CFAP58: variants seen among roughly 807,000 people sequenced by gnomAD.
The protein encoded by CFAP58 is cilia- and flagella-associated protein 58.
Under a neutral mutation model 119.5 loss-of-function variants are expected in CFAP58, and 88 were observed. The observed-to-expected ratio is 0.74, with a 90% CI of 0.62 to 0.88. The LOEUF is 0.88. Among genes scored for constraint, CFAP58 ranks in the 40% least tolerant of loss-of-function variants. The pLI, the probability that CFAP58 is intolerant of heterozygous loss-of-function variation, is 0.00. For missense variants in CFAP58, 990 were observed against 1,021.2 expected, an observed-to-expected ratio of 0.97 and a Z score of 0.42; for synonymous variants, 365 against 366.3, an observed-to-expected ratio of 1.00 and a Z score of 0.04.
intron 1 of CFAP58, among the ~76,000 whole-genome samples, chr10:104,355,833 T>G (rs2014536594): frequency 1.3e-5 from 2 of 152,252 alleles, no homozygotes; most frequent in African/African-American, 4.8e-5. Flanking sequence ...CTTTTGTTCC[T>G]AAAAGTTTCT....
intron 1 of CFAP58, among the ~76,000 whole-genome samples, chr10:104,357,738 T>A (rs1389505106): frequency 1.3e-5 from 2 of 151,928 alleles, no homozygotes; most frequent in African/African-American, 4.8e-5. Context: ...TATATATATA[T>A]GTAATGTGTA....
the CFAP58 span, among the ~76,000 whole-genome samples, chr10:104,342,987 A>T: frequency 3.3e-5 from 5 of 152,184 alleles, no homozygotes; most frequent in Admixed American, 2.0e-4. Context: ...TGTTCACCCC[A>T]TCTGTGGTTA....
chr10:104,454,538 C>T lies in CFAP58; in HGVS notation c.*8C>T. On this transcript the variant is annotated 3_prime_UTR_variant, in exon 18 of 18. Transcript: ENST00000369704. ...ACCAAAATGACGTTCTAACCTGAAG[C>T]TGCTGGCTGTTTCCAGTTGAACAAC... 6.3e-7 allele frequency: 1 copy of T among 1,598,114 alleles called. No individual in the cohort carries two copies. The highest frequency in any genetic ancestry group is 8.6e-7 in the Non-Finnish European group (1 of 1,165,718).
intron 13 of CFAP58, 71 bp downstream of exon 13, chr10:104,400,974 C>T: frequency 9.5e-7 from 1 of 1,056,304 alleles, no homozygotes; most frequent in Non-Finnish European, 1.4e-6. Context: ...ACTTCGTAGT[C>T]ATGCTTGTTG....
At chr10:104,380,365 A>G (rs1466673792) in intron 9 of CFAP58, 145 bp downstream of exon 9, 1 of 765,320 alleles carries the variant, frequency 1.3e-6, no homozygotes, top group African/African-American at 1.8e-5. Flanking sequence ...ATGTGGACAA[A>G]ATATAAGCTG....
intron 15 of CFAP58, among the ~76,000 whole-genome samples, chr10:104,413,319 T>C (rs533872777): frequency 2.0e-5 from 3 of 152,206 alleles, no homozygotes; most frequent in Non-Finnish European, 4.4e-5. Flanking sequence ...TTTTTGTTTG[T>C]GGAGGCAGGC....
At chr10:104,420,546 A>G (rs1264665250) in intron 15 of CFAP58, among the ~76,000 whole-genome samples, 1 of 152,096 alleles carries the variant, frequency 6.6e-6, no homozygotes, top group Admixed American at 6.6e-5. Flanking sequence ...TACTATGCTT[A>G]TTACTTGGGA....
At chr10:104,436,995 G>C (rs1165216211) in intron 15 of CFAP58, among the ~76,000 whole-genome samples, 1 of 152,168 alleles carries the variant, frequency 6.6e-6, no homozygotes, top group African/African-American at 2.4e-5. Flanking sequence ...ATGCATAGTG[G>C]TTAAGAGCAA....
chr10:104,400,841 CA>C lies in CFAP58; in HGVS notation c.1979del (p.Lys660ArgfsTer32). 1 of 1,614,118 alleles carries C rather than the reference CA, an allele frequency of 6.2e-7. No homozygotes were observed. The highest frequency in any genetic ancestry group is 8.5e-7 in the Non-Finnish European group (1 of 1,180,028). On this transcript the variant is annotated frameshift_variant, in exon 13 of 18. Transcript: ENST00000369704. LOFTEE classifies it high-confidence loss of function. ...ACATGAGAATCCTCAGACTTGAGAT[CA>C]AGAAGCTTCGCCGGGAAAAGGGGAT... ...EDMRILRLEI[K>X]KLRREKGILA...
At chr10:104,453,799 T>C (rs1486465065) in intron 17 of CFAP58, among the ~76,000 whole-genome samples, 1 of 151,238 alleles carries the variant, frequency 6.6e-6, no homozygotes, top group African/African-American at 2.4e-5. Context: ...TGTGTGTGTA[T>C]TTAAAGGACA....
Position 104,454,541 on chromosome 10 carries a change from C to T in CFAP58, c.*11C>T. 6.3e-7 allele frequency: 1 copy of T among 1,594,020 alleles called. No homozygotes were observed. Among genetic ancestry groups the T allele is most frequent in the Non-Finnish European group, 8.6e-7 (1 of 1,162,024 alleles). ...AAAATGACGTTCTAACCTGAAGCTG[C>T]TGGCTGTTTCCAGTTGAACAACTCA... On this transcript the variant is annotated 3_prime_UTR_variant, in exon 18 of 18. Transcript: ENST00000369704.
intron 9 of CFAP58, among the ~76,000 whole-genome samples, chr10:104,388,709 A>C (rs951793897): frequency 6.6e-6 from 1 of 152,170 alleles, no homozygotes; most frequent in African/African-American, 2.4e-5. Flanking sequence ...GCAATGACCT[A>C]CTTTCTAATC....
the CFAP58 span, among the ~76,000 whole-genome samples, chr10:104,344,645 A>G: frequency 6.6e-6 from 1 of 152,138 alleles, no homozygotes; most frequent in Non-Finnish European, 1.5e-5. Flanking sequence ...CCTTGGTGCT[A>G]GATTCTAAAA....
chr10:104,376,106 G>C (rs1238875744), intron 7 of CFAP58, among the ~76,000 whole-genome samples: 1 of 152,122 alleles, frequency 6.6e-6, no homozygotes, highest in East Asian at 1.9e-4. Flanking sequence ...AAGAGACTTC[G>C]CAGGGCAATT....
intron 15 of CFAP58, among the ~76,000 whole-genome samples, chr10:104,439,087 A>G (rs1016360736): frequency 2.6e-5 from 4 of 152,212 alleles, no homozygotes; most frequent in African/African-American, 4.8e-5. Context: ...ATAAAACTAT[A>G]TGGAAAAATC....
At chr10:104,426,212 C>G (rs1410520537) in intron 15 of CFAP58, among the ~76,000 whole-genome samples, 13 of 152,158 alleles carry the variant, frequency 8.5e-5, no homozygotes, top group Admixed American at 8.5e-4. Context: ...GCACTCCGGT[C>G]TGGGCAACAG....
chr10:104,451,859 G>C (rs2013199701), intron 17 of CFAP58, among the ~76,000 whole-genome samples: 1 of 151,936 alleles, frequency 6.6e-6, no homozygotes, highest in Non-Finnish European at 1.5e-5. Flanking sequence ...CTCCCAAATA[G>C]CTGGGATGAC....
intron 15 of CFAP58, among the ~76,000 whole-genome samples, chr10:104,438,958 T>C (rs1170144694): frequency 1.3e-5 from 2 of 152,164 alleles, no homozygotes; most frequent in Non-Finnish European, 2.9e-5. Context: ...ACCATAAGAT[T>C]TATGGTTCAA....
At position 104,365,518 on chromosome 10, in the gene CFAP58, G is replaced by A. The variant is rs117617671; in HGVS notation, c.598-296G>A. On this transcript the variant is annotated intron_variant, in intron 4 of 17. Coordinates refer to ENST00000369704, the MANE Select transcript of CFAP58 (RefSeq NM_001008723.2). ...AAAGAACGGGATGAATTCTTTCCAT[G>A]TTTAACGCCCCTAGAACTCTGAGCT... Among the ~76,000 whole-genome samples the A allele has an allele frequency of 6.8e-3, 1,028 of 152,208 alleles. 7 individuals are homozygous for A. Among genetic ancestry groups the A allele is most frequent in the South Asian group, 0.015 (74 of 4,818 alleles).
Sources: allele counts gnomAD v4.1 joint callset (sites outside exome capture counted in the v4.1 genomes callset), GRCh38; gene constraint gnomAD v4.1.1; transcripts MANE v1.5; gene names NCBI Gene and HGNC (gene_info 2026-07-23, HGNC 2026-07-21).